PRRC2B: variants seen among roughly 807,000 people sequenced by gnomAD.
PRRC2B encodes protein PRRC2B.
A neutral mutation model predicts 242.3 loss-of-function variants in PRRC2B; 68 were observed. The ratio of observed to expected loss-of-function variants is 0.28; its 90% CI spans 0.23 to 0.34. The LOEUF is 0.34. Among genes scored for constraint, PRRC2B ranks in the 10% least tolerant of loss-of-function variants. The probability of loss-of-function intolerance (pLI) is 1.00; values close to 1 mark genes in which losing one functional copy is unlikely to be tolerated. For missense variants in PRRC2B, 2,835 were observed against 2,954.8 expected, an observed-to-expected ratio of 0.96 and a Z score of 0.94; for synonymous variants, 1,228 against 1,173.6, an observed-to-expected ratio of 1.05 and a Z score of -0.95.
chr9:131,399,547 C>G (rs1345949324), intron 1 of PRRC2B, among the ~76,000 whole-genome samples: 4 of 152,020 alleles, frequency 2.6e-5, no homozygotes, highest in Non-Finnish European at 5.9e-5. Context: ...ACACTGCACT[C>G]TAGCCTGGGC....
At chr9:131,433,663 G>A (rs775674670) in intron 3 of PRRC2B, among the ~76,000 whole-genome samples, 1 of 152,232 alleles carries the variant, frequency 6.6e-6, no homozygotes, top group East Asian at 1.9e-4. Context: ...TCTGGCGGCA[G>A]CGCCCTCCTG....
At chr9:131,395,784 C>G (rs1232299000) in intron 1 of PRRC2B, among the ~76,000 whole-genome samples, 2 of 152,142 alleles carry the variant, frequency 1.3e-5, no homozygotes, top group Non-Finnish European at 2.9e-5. Context: ...CTGAGCCTCT[C>G]GGGAGGCAGG....
intron 3 of PRRC2B, among the ~76,000 whole-genome samples, chr9:131,433,559 G>A (rs1460361931): frequency 6.6e-6 from 1 of 152,250 alleles, no homozygotes; most frequent in African/African-American, 2.4e-5. Context: ...ATTCAGGGAA[G>A]GGGATGTGTT....
intron 1 of PRRC2B, among the ~76,000 whole-genome samples, chr9:131,420,477 C>CT (rs1442803329): frequency 0.027 from 399 of 14,536 alleles, 56 homozygotes; most frequent in African/African-American, 0.059. Flanking sequence ...TTCTTTCTTT[C>CT]TTTCTTTCTT....
chr9:131,492,403 A>C (rs897052879), intron 30 of PRRC2B, 143 bp downstream of exon 30: 25 of 637,196 alleles, frequency 3.9e-5, no homozygotes, highest in Admixed American at 1.3e-4. Flanking sequence ...GTGGTGTTTC[A>C]GCACTGGGAT....
At chr9:131,439,989 C>T (rs1179093279) in intron 5 of PRRC2B, among the ~76,000 whole-genome samples, 1 of 151,942 alleles carries the variant, frequency 6.6e-6, no homozygotes, top group Non-Finnish European at 1.5e-5. Context: ...TCAAGAGATC[C>T]TCCCACTTCA....
chr9:131,415,955 C>G (rs1837636602), intron 1 of PRRC2B, among the ~76,000 whole-genome samples: 1 of 152,006 alleles, frequency 6.6e-6, no homozygotes, highest in Non-Finnish European at 1.5e-5. Flanking sequence ...TCTCCTTCCC[C>G]CCACCCCACC....
At chr9:131,420,495 T>TTCGTTCTTTCTTTCTTTCTTTC (rs1373568254) in intron 1 of PRRC2B, among the ~76,000 whole-genome samples, 1 of 79,862 alleles carries the variant, frequency 1.3e-5, no homozygotes, top group African/African-American at 5.2e-5. Flanking sequence ...CTTTCTTTCT[T>TTCGTTCTTTCTTTCTTTCTTTC]TTTTTTTTTT....
At position 131,474,992 on chromosome 9, in the gene PRRC2B, A is replaced by G. The variant is rs759265956; in HGVS notation, c.2863A>G (p.Lys955Glu). ...CCTGAAAGCCCTCAAGGTGGAAGAC[A>G]AGGAGAAGGAGCTTGAGAAGATTAA... is the stretch of plus-strand genomic sequence containing the variant. ...PVLKALKVED[K>E]EKELEKIKQE... Residue 955 changes from lysine (K) to glutamate (E), a missense_variant, in exon 16 of 32, where the codon AAG becomes GAG. By Grantham distance (56) the Lys-to-Glu change is moderately conservative (BLOSUM62 1). Coordinates refer to ENST00000683519, the MANE Select transcript of PRRC2B (RefSeq NM_013318.4). The G allele has an allele frequency of 1.9e-5, 31 of 1,600,454 alleles. No homozygotes were observed. Among genetic ancestry groups the G allele is most frequent in the Non-Finnish European group, 2.6e-5 (31 of 1,173,698 alleles).
chr9:131,423,939 A>G (rs1588243366), intron 1 of PRRC2B, among the ~76,000 whole-genome samples: 1 of 128,126 alleles, frequency 7.8e-6, no homozygotes, highest in Non-Finnish European at 1.7e-5. Flanking sequence ...TCTTTCTGCT[A>G]CGTTTTTTTT....
chr9:131,406,437 G>T (rs1837362881), intron 1 of PRRC2B, among the ~76,000 whole-genome samples: 1 of 152,168 alleles, frequency 6.6e-6, no homozygotes, highest in South Asian at 2.1e-4. Flanking sequence ...AGGAATGAAG[G>T]TAGGCATGTT....
chr9:131,460,076 A>G (rs116601545), intron 11 of PRRC2B, among the ~76,000 whole-genome samples: 181 of 152,224 alleles, frequency 1.2e-3, no homozygotes, highest in African/African-American at 3.9e-3. Flanking sequence ...AACTGATTGA[A>G]CAGTAAGTTG....
Position 131,436,704 on chromosome 9 carries a change from A to G in PRRC2B, c.378A>G (p.Thr126=). 1 of 1,613,988 alleles carries G rather than the reference A, an allele frequency of 6.2e-7. No homozygotes were observed. Among genetic ancestry groups the G allele is most frequent in the Non-Finnish European group, 8.5e-7 (1 of 1,179,842 alleles). ...CTGTCTCCAATTTGCAGAAACCGAC[A>G]CAGTCAATCAGTCAGGAGGTAGGTG... ...QKSVSNLQKP[T]QSISQENTNS... The change falls in exon 4 of 32, where the codon ACA becomes ACG. Residue 126 remains threonine, a synonymous_variant. Coordinates refer to ENST00000683519, the MANE Select transcript of PRRC2B (RefSeq NM_013318.4).
At chr9:131,478,862 T>C (rs1943780365) in intron 18 of PRRC2B, among the ~76,000 whole-genome samples, 1 of 152,042 alleles carries the variant, frequency 6.6e-6, no homozygotes, top group African/African-American at 2.4e-5. Flanking sequence ...TTGAAGAGGG[T>C]GACTTCTCTA....
At chr9:131,390,387 A>G (rs552778903), upstream of PRRC2B, among the ~76,000 whole-genome samples, 1 of 145,802 alleles carries the variant, frequency 6.9e-6, no homozygotes, top group African/African-American at 2.5e-5. Context: ...ACTGCATGCC[A>G]TTCTCTCCAT....
chr9:131,423,585 G>T (rs1342971636), intron 1 of PRRC2B, among the ~76,000 whole-genome samples: 1 of 152,236 alleles, frequency 6.6e-6, no homozygotes. Context: ...GTTTATTTTG[G>T]AGTTGTGTCC....
At chr9:131,440,798 TC>T (rs1838541020) in intron 5 of PRRC2B, among the ~76,000 whole-genome samples, 2 of 152,002 alleles carry the variant, frequency 1.3e-5, no homozygotes, top group African/African-American at 4.8e-5. Context: ...ATGTATAGTA[TC>T]TTAACCATTT....
At chr9:131,485,872 C>T (rs1000852673) in intron 25 of PRRC2B, 12 of 725,748 alleles carry the variant, frequency 1.7e-5, no homozygotes, top group African/African-American at 1.4e-4. Context: ...TCTGACGCTG[C>T]ACCCTCCCTA....
At chr9:131,435,091 A>T (rs1838303540) in intron 3 of PRRC2B, among the ~76,000 whole-genome samples, 1 of 151,930 alleles carries the variant, frequency 6.6e-6, no homozygotes, top group Non-Finnish European at 1.5e-5. Context: ...TGAGGTCAGG[A>T]GTTCAAGACC....
Sources: gnomAD v4.1 joint callset for allele counts (sites outside exome capture counted in the v4.1 genomes callset) on GRCh38, gnomAD v4.1.1 for gene constraint, MANE v1.5 for transcripts, NCBI Gene and HGNC (gene_info 2026-07-23, HGNC 2026-07-21) for gene names.